ANKS1A: variants seen among roughly 807,000 people sequenced by gnomAD.
ANKS1A encodes the protein ankyrin repeat and sterile alpha motif domain containing 1A, also known as ankyrin repeat and SAM domain-containing protein 1A.
ANKS1A carries 55 observed loss-of-function variants against 120.3 expected under a neutral mutation model. The observed-to-expected ratio is 0.46, with a 90% confidence interval of 0.37 to 0.57. ANKS1A has a LOEUF of 0.57. ANKS1A is among the 20% of genes least tolerant of loss of function. The pLI is 0.00. For synonymous variants in ANKS1A, 590 were observed against 604.7 expected (o/e 0.98, Z 0.36); for missense variants, 1,123 against 1,480.3 (o/e 0.76, Z 3.96).
intron 13 of ANKS1A, chr6:35,070,999 T>G: frequency 1.9e-6 from 1 of 535,064 alleles, no homozygotes; most frequent in Non-Finnish European, 3.5e-6. Context: ...TACAGAGGCC[T>G]GCCCATTCCC....
At chr6:34,915,896 A>T (rs1768132260) in intron 1 of ANKS1A, among the ~76,000 whole-genome samples, 1 of 151,862 alleles carries the variant, frequency 6.6e-6, no homozygotes, top group Non-Finnish European at 1.5e-5. Flanking sequence ...TTCTCAGAGA[A>T]AGTATTTGGT....
chr6:35,046,612 T>C (rs984633348), intron 11 of ANKS1A, among the ~76,000 whole-genome samples: 1 of 152,228 alleles, frequency 6.6e-6, no homozygotes, highest in African/African-American at 2.4e-5. Flanking sequence ...TTATTGCATC[T>C]ATCCATCTGT....
chr6:35,031,194 C>CA lies in ANKS1A; in HGVS notation c.2010+13135_2010+13136insA, dbSNP rs201847852. On this transcript the variant is annotated intron_variant, in intron 11 of 23. Coordinates refer to ENST00000360359, the MANE Select transcript of ANKS1A (RefSeq NM_015245.3). ...CTTTTAAAGCTTTATCCTGTGATTT[C>CA]TGCCCTGGAGATACAGCTCAGCCTC... Among the ~76,000 whole-genome samples the CA allele has an allele frequency of 9.8e-3, 1,498 of 152,268 alleles. 20 individuals are homozygous for CA. The highest frequency in any genetic ancestry group is 0.033 in the African/African-American group (1,390 of 41,536).
At chr6:34,924,619 A>G (rs1768614357) in intron 1 of ANKS1A, among the ~76,000 whole-genome samples, 1 of 152,194 alleles carries the variant, frequency 6.6e-6, no homozygotes, top group Non-Finnish European at 1.5e-5. Context: ...CTGAAATGAC[A>G]AAGGACCTCC....
chr6:34,946,588 GAA>G (rs35244154), intron 1 of ANKS1A, among the ~76,000 whole-genome samples: 3 of 136,960 alleles, frequency 2.2e-5, no homozygotes, highest in Non-Finnish European at 1.6e-5. Context: ...ACTCTGTCTT[GAA>G]AAAAAAAAAA....
At chr6:34,990,923 A>G (rs1772470283) in intron 9 of ANKS1A, among the ~76,000 whole-genome samples, 1 of 152,222 alleles carries the variant, frequency 6.6e-6, no homozygotes, top group African/African-American at 2.4e-5. Flanking sequence ...TACGGCCTGC[A>G]TATGATCCAG....
chr6:35,084,032 A>C lies in ANKS1A; in HGVS notation c.2995-89A>C. ...TGCTTGATGCTCTAGGCTGGGACAG[A>C]GAACAGTGACAATGGTAACAGGCTG... On this transcript the variant is annotated intron_variant, in intron 20 of 23. Transcript: ENST00000360359. The surrounding 1 kb of genome is among the most constrained non-coding windows in gnomAD (Gnocchi z 4.8). 5 of 1,561,380 alleles carry C rather than the reference A, an allele frequency of 3.2e-6. No individual in the cohort carries two copies. In the Admixed American group the frequency reaches 8.7e-5, roughly 27 times the overall value.
At chr6:35,017,083 C>T (rs1345270886) in intron 10 of ANKS1A, among the ~76,000 whole-genome samples, 1 of 151,974 alleles carries the variant, frequency 6.6e-6, no homozygotes, top group Admixed American at 6.6e-5. Flanking sequence ...GGTGCTCTTA[C>T]TTTTGCTTCA....
chr6:35,056,380 C>G (rs1161675080), intron 12 of ANKS1A, among the ~76,000 whole-genome samples: 1 of 152,220 alleles, frequency 6.6e-6, no homozygotes, highest in Non-Finnish European at 1.5e-5. Flanking sequence ...GCTCCGCCTC[C>G]CGGGTTCACA....
chr6:34,970,914 C>T (rs971614308), intron 3 of ANKS1A, among the ~76,000 whole-genome samples: 5 of 151,994 alleles, frequency 3.3e-5, no homozygotes, highest in East Asian at 1.9e-4. Flanking sequence ...GAGGCTGAGA[C>T]GGGGGATCAC....
chr6:34,939,334 T>A (rs2127481410), intron 1 of ANKS1A, among the ~76,000 whole-genome samples: 1 of 152,326 alleles, frequency 6.6e-6, no homozygotes, highest in Admixed American at 6.5e-5. Context: ...ATTTCACAAG[T>A]CTTCTCAATA....
rs139893152 is a variant in ANKS1A, at chr6:35,051,696, G to A, written c.2011-2403G>A. 4.4e-3 allele frequency among the ~76,000 whole-genome samples: 663 copies of A among 152,312 alleles called. 3 individuals are homozygous for A. The highest frequency in any genetic ancestry group is 0.01 in the Middle Eastern group (3 of 294). ...TGGTGTCTACAGTGTTAAGCTCTGC[G>A]TGTGAGTAGAATAGAATGCGGAGAG... On this transcript the variant is annotated intron_variant, in intron 11 of 23. Transcript: ENST00000360359.
At position 34,889,696 on chromosome 6, in the gene ANKS1A, C is replaced by T. The variant is rs1185229828; in HGVS notation, c.197+97C>T. 4.2e-6 allele frequency: 5 copies of T among 1,177,510 alleles called. No individual in the cohort carries two copies. The highest frequency in any genetic ancestry group is 5.2e-6 in the Non-Finnish European group (5 of 954,954). 72.9% of individuals were successfully genotyped at this position (1,177,510 alleles called of 1,614,324 possible). On this transcript the variant is annotated intron_variant, in intron 1 of 23. Coordinates refer to ENST00000360359, the MANE Select transcript of ANKS1A (RefSeq NM_015245.3). This position sits in a 1 kb window ranked among gnomAD's most constrained non-coding sequence, Gnocchi z 5.5. ...GAGATCGGGGGTCCTGAGACTCGGG[C>T]GGGGTGGGCTTGTGGCGTGCCCGGG...
chr6:34,960,011 G>A (rs942496826), intron 1 of ANKS1A, among the ~76,000 whole-genome samples: 14 of 152,158 alleles, frequency 9.2e-5, no homozygotes, highest in African/African-American at 3.1e-4. Flanking sequence ...GCGGATGCCT[G>A]TGGAACTGAA....
At chr6:35,079,993 A>C (rs1376203388) in intron 16 of ANKS1A, 65 bp downstream of exon 16, 2 of 1,510,176 alleles carry the variant, frequency 1.3e-6, no homozygotes, top group African/African-American at 2.8e-5. Flanking sequence ...ATTACATAGA[A>C]TTCTTTAGGA....
chr6:34,889,534 C>T lies in ANKS1A; in HGVS notation c.132C>T (p.Gly44=), dbSNP rs190026995. Residue 44 remains glycine, a synonymous_variant, in exon 1 of 24, where the codon GGC becomes GGT. Coordinates refer to ENST00000360359, the MANE Select transcript of ANKS1A (RefSeq NM_015245.3). The surrounding 1 kb of genome is among the most constrained non-coding windows in gnomAD (Gnocchi z 5.5). ...GCGGCGGTGGCTCTGGGGGCGGCGGCGGCGGCAGCGGCGGCGGCGGCGGCG... is the reference window on the plus strand; with the variant it reads ...GCGGCGGTGGCTCTGGGGGCGGCGGTGGCGGCAGCGGCGGCGGCGGCGGCG... ...GGGGGGSGGG[G]GGSGGGGGGL... is the part of the protein sequence containing the mutation. 55,431 of 1,268,814 alleles carry T rather than the reference C, an allele frequency of 0.044. 1,517 individuals are homozygous for T. Among genetic ancestry groups the T allele is most frequent in the South Asian group, 0.071 (2,021 of 28,348 alleles). The allele number at this position is 1,268,814 out of a possible 1,614,324, so 78.6% of individuals were successfully genotyped here.
chr6:35,017,463 C>T lies in ANKS1A; in HGVS notation c.1424-10C>T, dbSNP rs373263479. 1.1e-5 allele frequency: 18 copies of T among 1,579,826 alleles called. No individual in the cohort carries two copies. In the South Asian group the frequency reaches 1.5e-4, roughly 13 times the overall value. On this transcript the variant is annotated splice_polypyrimidine_tract_variant and intron_variant, in intron 10 of 23. Coordinates refer to ENST00000360359, the MANE Select transcript of ANKS1A (RefSeq NM_015245.3). ...ATTTTTTATTTCTCTGTCTCTCCGT[C>T]CACTCCAAGACCACAGGCGGAGCAG...
chr6:35,013,925 T>C (rs558310086), intron 10 of ANKS1A, among the ~76,000 whole-genome samples: 79 of 152,318 alleles, frequency 5.2e-4, no homozygotes, highest in Non-Finnish European at 2.6e-4. Context: ...GTGTGGAGGA[T>C]AATAACAATT....
intron 8 of ANKS1A, among the ~76,000 whole-genome samples, chr6:34,988,711 A>C (rs925460032): frequency 8.5e-5 from 13 of 152,362 alleles, no homozygotes; most frequent in African/African-American, 3.1e-4. Context: ...AATAAATGGG[A>C]GTAGACCAGT....
Sources: allele counts gnomAD v4.1 joint callset (sites outside exome capture counted in the v4.1 genomes callset), GRCh38; gene constraint gnomAD v4.1.1; non-coding constraint Gnocchi (gnomAD v3.1); transcripts MANE v1.5; gene names NCBI Gene and HGNC (gene_info 2026-07-23, HGNC 2026-07-21).